Variants in HJV observed in about 807,000 individuals in gnomAD.
HJV encodes hemojuvelin BMP co-receptor.
In HJV, 18 loss-of-function variants were observed where a neutral mutation model predicts 22.7. The ratio of observed to expected loss-of-function variants is 0.79; its 90% confidence interval spans 0.55 to 1.18. The LOEUF (loss-of-function observed/expected upper bound fraction) is 1.18. Among genes scored for constraint, HJV ranks in the 50% most tolerant of loss-of-function variants. The pLI is 0.00. For missense variants in HJV, 572 were observed against 553.0 expected, an observed-to-expected ratio of 1.03 and a Z score of -0.34; for synonymous variants, 229 against 222.7, an observed-to-expected ratio of 1.03 and a Z score of -0.25.
intron 2 of HJV, 28 bp from the exon 3 acceptor site, chr1:146,019,762 G>A: frequency 6.2e-7 from 1 of 1,613,964 alleles, no homozygotes; most frequent in Non-Finnish European, 8.5e-7. Flanking sequence ...AGGATTGTGA[G>A]ACGGTCCTCA....
In HJV at chr1:146,019,690, A is replaced by C. The variant is rs1652595383; in HGVS notation, c.142T>G (p.Ser48Ala). 1 of 1,613,930 alleles carries C rather than the reference A, an allele frequency of 6.2e-7. No homozygotes were observed. Among genetic ancestry groups the C allele is most frequent in the Non-Finnish European group, 8.5e-7 (1 of 1,179,974 alleles). ...CCACCTCTAAGGCTCAGAGTGGACG[A>C]TACGTACTCAGCATTGCAGCGGAGG... ...KILRCNAEYV[S>A]STLSLRGGGS... is the part of the protein sequence containing the mutation. Residue 48 changes from serine to alanine, a missense_variant, in exon 3 of 4, where the codon TCG (serine) becomes GCG (alanine). Physicochemically the swap from Ser to Ala is moderately conservative, Grantham distance 99. Coordinates refer to ENST00000336751, the MANE Select transcript of HJV (RefSeq NM_213653.4).
At chr1:146,020,557 C>G (rs1235047837) in intron 1 of HJV, among the ~76,000 whole-genome samples, 2 of 152,048 alleles carry the variant, frequency 1.3e-5, no homozygotes, top group African/African-American at 4.8e-5. Flanking sequence ...TGAGTGAACT[C>G]AAGGGGGCAG....
intron 2 of HJV, 131 bp downstream of exon 2, chr1:146,020,004 A>G: frequency 1.2e-6 from 1 of 826,518 alleles, no homozygotes. Context: ...AAATATTAGT[A>G]TTTGAGAGCA....
rs1358240306 is a variant in HJV, at chr1:146,017,850, G to A, written c.*227C>T. On this transcript the variant is annotated 3_prime_UTR_variant, in exon 4 of 4. Transcript: ENST00000336751. The stretch of plus-strand genomic sequence containing the variant: ...AATTTGTTTACTATAAATGAGGCTG[G>A]AAAAATTGGTGAAGAGCCCCACAGA... The A allele has an allele frequency of 8.7e-6, 5 of 575,468 alleles. No individual in the cohort carries two copies. Among genetic ancestry groups the A allele is most frequent in the South Asian group, 6.3e-5 (3 of 47,506 alleles). 35.6% of individuals were successfully genotyped at this position (575,468 alleles called of 1,614,324 possible).
Position 146,018,235 on chromosome 1 carries a change from C to T in HJV, c.1123G>A (p.Val375Met), listed in dbSNP as rs782106160. ...TCCTCCAGTGCTGCCTGAGCTGCCA[C>T]GGTAAAGTTGGGATCACCAGAAATT... ...VLISGDPNFT[V>M]AAQAALEDAR... Residue 375 changes from valine to methionine, a missense_variant, in exon 4 of 4, where the codon GTG becomes ATG. Physicochemically the swap from Val to Met is conservative, Grantham distance 21 (BLOSUM62 1). Coordinates refer to ENST00000336751, the MANE Select transcript of HJV (RefSeq NM_213653.4). 11 of 1,614,016 alleles carry T rather than the reference C, an allele frequency of 6.8e-6. No homozygotes were observed. The highest frequency in any genetic ancestry group is 4.0e-5 in the African/African-American group (3 of 74,904).
rs1652560613 is a variant in HJV at position 146,019,396 on chromosome 1, C to T, written c.436G>A (p.Asp146Asn). 4.3e-6 allele frequency: 7 copies of T among 1,613,500 alleles called. No individual in the cohort carries two copies. Residue 146 changes from aspartate to asparagine, a missense_variant, in exon 3 of 4, where the codon GAC (aspartate) becomes AAC (asparagine). By Grantham distance (23) the Asp-to-Asn change is conservative (BLOSUM62 1). Coordinates refer to ENST00000336751, the MANE Select transcript of HJV (RefSeq NM_213653.4). ...AACCGGCCTTCATAGTCACAAGGGT[C>T]CGGGGCAGGGAGGCCGGAGCCCGCG... ...PGAGSGLPAPDPCDYEGRFSR... is the reference protein window; with the variant it reads ...PGAGSGLPAPNPCDYEGRFSR...
chr1:146,020,183 G>A lies in HJV; in HGVS notation c.49C>T (p.Pro17Ser), dbSNP rs1336696247. 1.1e-5 allele frequency: 17 copies of A among 1,613,314 alleles called. No individual in the cohort carries two copies. The highest frequency in any genetic ancestry group is 1.1e-5 in the Non-Finnish European group (13 of 1,179,490). Residue 17 changes from proline (P) to serine (S), a missense_variant, in exon 2 of 4, where the codon CCC becomes TCC. Coordinates refer to ENST00000336751, the MANE Select transcript of HJV (RefSeq NM_213653.4). ...AGAGTGAGAGTGCTTAGAGTTGGGG[G>A]ACTGCCATGGGAGGACCTGGGACTA... ...SPSPRSSHGSPPTLSTLTLLL... is the reference protein window; with the variant it reads ...SPSPRSSHGSSPTLSTLTLLL...
rs369534402 is a variant in HJV at position 146,018,303 on chromosome 1, G to A, written c.1055C>T (p.Pro352Leu). 7 of 1,614,166 alleles carry A rather than the reference G, an allele frequency of 4.3e-6. No homozygotes were observed. Among genetic ancestry groups the A allele is most frequent in the Non-Finnish European group, 5.9e-6 (7 of 1,180,022 alleles). Residue 352 changes from proline (P) to leucine (L), a missense_variant, in exon 4 of 4, where the codon CCA (proline) becomes CTA (leucine). By Grantham distance (98) the Pro-to-Leu change is moderately conservative. Coordinates refer to ENST00000336751, the MANE Select transcript of HJV (RefSeq NM_213653.4). ...TARRLCKEGL[P>L]VEDAYFHSCV... Reference sequence around the variant, plus strand: ...GGAATGGAAGTAAGCATCTTCCACTGGAAGCCCTTCCTTGCACAGCCGTCT... The same window carrying A: ...GGAATGGAAGTAAGCATCTTCCACTAGAAGCCCTTCCTTGCACAGCCGTCT...
At chr1:146,018,753 C>A in intron 3 of HJV, 53 bp from the exon 4 acceptor site, 1 of 1,574,134 alleles carries the variant, frequency 6.4e-7, no homozygotes, top group South Asian at 1.1e-5. Context: ...CATCTTCCCC[C>A]CAATCAGACC....
intron 3 of HJV, 115 bp downstream of exon 3, chr1:146,019,060 G>C: frequency 1.1e-6 from 1 of 932,242 alleles, no homozygotes; most frequent in Non-Finnish European, 1.8e-6. Flanking sequence ...TGGGGGAGAG[G>C]TTGAGGAAGA....
At chr1:146,019,816 A>C (rs1553769822) in intron 2 of HJV, 82 bp from the exon 3 acceptor site, 5 of 1,609,600 alleles carry the variant, frequency 3.1e-6, no homozygotes, top group Non-Finnish European at 3.4e-6. Flanking sequence ...AACTCTTCCA[A>C]ATCTCATCAG....
At position 146,019,471 on chromosome 1, in the gene HJV, G is replaced by A. The variant is rs782118465; in HGVS notation, c.361C>T (p.Arg121Cys). 3 of 1,612,686 alleles carry A rather than the reference G, an allele frequency of 1.9e-6. No homozygotes were observed. The Admixed American group carries it at 5.0e-5, about 27-fold the overall frequency. The part of the protein sequence containing the change: ...EDLMIQHNCS[R>C]QGPTAPPPPR... ...GGGGGAGGGGCTGTAGGGCCCTGGC[G>A]GGAGCAGTTGTGCTGGATCATCAGG... is the stretch of plus-strand genomic sequence containing the variant. Residue 121 changes from arginine to cysteine, a missense_variant, in exon 3 of 4, where the codon CGC (arginine) becomes TGC (cysteine). By Grantham distance (180) the Arg-to-Cys change is radical (BLOSUM62 -3). Coordinates refer to ENST00000336751, the MANE Select transcript of HJV (RefSeq NM_213653.4).
chr1:146,018,389 T>C lies in HJV; in HGVS notation c.969A>G (p.Pro323=). ...DLQLCVGGCP[P]SQRLSRSERN... is the part of the protein sequence containing the mutation. ...GCTCTGATCGAGAGAGTCGCTGACT[T>C]GGAGGGCACCCCCCAACACAGAGCT... The change falls in exon 4 of 4, where the codon CCA becomes CCG. Residue 323 remains proline, a synonymous_variant. Transcript: ENST00000336751. 1 of 1,614,128 alleles carries C rather than the reference T, an allele frequency of 6.2e-7. No homozygotes were observed. Among genetic ancestry groups the C allele is most frequent in the East Asian group, 2.2e-5 (1 of 44,886 alleles).
rs1323520909 is a variant in HJV, at chr1:146,017,891, A to G, written c.*186T>C. The G allele has an allele frequency of 1.5e-6, 1 of 676,016 alleles. No homozygotes were observed. The highest frequency in any genetic ancestry group is 2.7e-5 in the East Asian group (1 of 36,662). The allele number at this position is 676,016 out of a possible 1,614,324, so 41.9% of individuals were successfully genotyped here. A position where few individuals can be genotyped will look rare whatever the true frequency, so the allele number is the denominator to read the frequency against. ...GCCCCACAGAGATCCGGAATGCAGT[A>G]ACCTTGCCCAGAATCCTTATTCTGT... is the stretch of plus-strand genomic sequence containing the variant. On this transcript the variant is annotated 3_prime_UTR_variant, in exon 4 of 4. Transcript: ENST00000336751.
rs12025510 is a variant in HJV, at chr1:146,020,223, C to G, written c.9G>C (p.Glu3Asp). 609 of 1,609,882 alleles carry G rather than the reference C, an allele frequency of 3.8e-4. 2 individuals carry two copies. The East Asian group carries it at 0.013, about 33-fold the overall frequency. The change falls in exon 2 of 4, where the codon GAG becomes GAC. Residue 3 changes from glutamate (E) to aspartate (D), a missense_variant. Coordinates refer to ENST00000336751, the MANE Select transcript of HJV (RefSeq NM_213653.4). MG[E>D]PGQSPSPRSS... The stretch of plus-strand genomic sequence containing the variant: ...ACCTGGGACTAGGGGACTGGCCTGG[C>G]TCCCCCATACCTATCCAGCCAGGTT...
rs782730803 is a variant in HJV, at chr1:146,018,109, C to G, written c.1249G>C (p.Gly417Arg). ...ATGCAAAGCCACAGAACAAAGAGCC[C>G]AGAAAGGAGTGGAGCTAAGAGGGTT... ...SATLLAPLLSGLFVLWLCIQ is the reference protein window; with the variant it reads ...SATLLAPLLSRLFVLWLCIQ The change falls in exon 4 of 4, where the codon GGG becomes CGG. Residue 417 changes from glycine (G) to arginine (R), a missense_variant. Transcript: ENST00000336751. 3 of 1,614,090 alleles carry G rather than the reference C, an allele frequency of 1.9e-6. No individual in the cohort carries two copies. The highest frequency in any genetic ancestry group is 4.5e-5 in the East Asian group (2 of 44,888).
chr1:146,019,103 T>G, intron 3 of HJV, 72 bp downstream of exon 3: 1 of 1,240,310 alleles, frequency 8.1e-7, no homozygotes, highest in South Asian at 1.2e-5. Context: ...TGTTGAATAG[T>G]GGGGATGGGG....
intron 3 of HJV, 103 bp from the exon 4 acceptor site, chr1:146,018,803 GACT>G (rs1652514922): frequency 8.4e-7 from 1 of 1,192,120 alleles, no homozygotes; most frequent in African/African-American, 1.5e-5. Context: ...AGAGATGCAG[GACT>G]ACTATGGCCC....
Position 146,019,309 on chromosome 1 carries a change from C to T in HJV, c.523G>A (p.Val175Met), listed in dbSNP as rs782533709. Residue 175 changes from valine to methionine, a missense_variant, in exon 3 of 4, where the codon GTG becomes ATG. By Grantham distance (21) the Val-to-Met change is conservative. Transcript: ENST00000336751. The part of the protein sequence containing the change: ...LHCASFGDPH[V>M]RSFHHHFHTC... ...TGAAAGTGATGGTGGAAGCTGCGCA[C>T]ATGGGGGTCCCCGAAGGAAGCGCAA... The T allele has an allele frequency of 6.2e-7, 1 of 1,613,880 alleles. No individual in the cohort carries two copies. Among genetic ancestry groups the T allele is most frequent in the South Asian group, 1.1e-5 (1 of 91,086 alleles).
Sources: gnomAD v4.1 joint callset for allele counts (sites outside exome capture counted in the v4.1 genomes callset) on GRCh38, gnomAD v4.1.1 for gene constraint, MANE v1.5 for transcripts, NCBI Gene and HGNC (gene_info 2026-07-23, HGNC 2026-07-21) for gene names.